The following SDK1 variants were observed in gnomAD, a reference collection of about 807,000 sequenced individuals.
The protein encoded by SDK1 is sidekick cell adhesion molecule 1.
A neutral mutation model predicts 245.5 loss-of-function variants in SDK1; 157 were observed. The ratio of observed to expected loss-of-function variants is 0.64; its 90% CI spans 0.56 to 0.73. The LOEUF (loss-of-function observed/expected upper bound fraction) is 0.73, where lower values mean the gene tolerates loss of function less well. SDK1 is among the 30% of genes least tolerant of loss of function. SDK1 has a pLI of 0.00. For synonymous variants in SDK1, 1,647 were observed against 1,278.5 expected (o/e 1.29, Z -6.15); for missense variants, 3,583 against 3,002.3 (o/e 1.19, Z -4.52).
At chr7:3,842,200 G>A (rs1780174527) in intron 5 of SDK1, among the ~76,000 whole-genome samples, 1 of 152,236 alleles carries the variant, frequency 6.6e-6, no homozygotes, top group Non-Finnish European at 1.5e-5. Flanking sequence ...GGGCAGAGAT[G>A]TGAGCAGTAC....
chr7:3,323,500 A>T (rs1012426178), intron 1 of SDK1, among the ~76,000 whole-genome samples: 1 of 152,138 alleles, frequency 6.6e-6, no homozygotes, highest in Non-Finnish European at 1.5e-5. Context: ...ATTGCTGGTC[A>T]TGTTCAGTTC....
chr7:3,316,411 G>A (rs941666826), intron 1 of SDK1, among the ~76,000 whole-genome samples: 3 of 152,176 alleles, frequency 2.0e-5, no homozygotes, highest in African/African-American at 4.8e-5. Flanking sequence ...TAACCTAGGT[G>A]TGTAGGAGGC....
At chr7:3,510,866 T>C (rs1347342377) in intron 1 of SDK1, among the ~76,000 whole-genome samples, 2 of 152,220 alleles carry the variant, frequency 1.3e-5, no homozygotes, top group Admixed American at 1.3e-4. Flanking sequence ...CAGAGGTGTT[T>C]CTGTCTGCTG....
chr7:4,233,840 C>T (rs1206241821), intron 41 of SDK1, among the ~76,000 whole-genome samples: 1 of 152,150 alleles, frequency 6.6e-6, no homozygotes, highest in Non-Finnish European at 1.5e-5. Context: ...CCCAGCACCA[C>T]CAGCAAGGCC....
intron 32 of SDK1, among the ~76,000 whole-genome samples, chr7:4,166,821 A>C (rs1781528499): frequency 6.6e-6 from 1 of 152,116 alleles, no homozygotes; most frequent in Admixed American, 6.5e-5. Context: ...GAACTAGGAG[A>C]GTTAGGCCCT....
Position 4,174,209 on chromosome 7 carries a change from G to C in SDK1, c.4801-13G>C. On this transcript the variant is annotated splice_polypyrimidine_tract_variant and intron_variant, in intron 32 of 44. Coordinates refer to ENST00000404826, the MANE Select transcript of SDK1 (RefSeq NM_152744.4). ...TCCCATGGTGTGGCTGAGTCGGTGT[G>C]ATGTCTTTGCAGCCTCCGAGGGACG... The C allele has an allele frequency of 6.2e-7, 1 of 1,613,902 alleles. No homozygotes were observed. The highest frequency in any genetic ancestry group is 8.5e-7 in the Non-Finnish European group (1 of 1,179,872).
intron 1 of SDK1, among the ~76,000 whole-genome samples, chr7:3,535,753 A>G (rs755643820): frequency 1.8e-4 from 28 of 152,248 alleles, no homozygotes; most frequent in Non-Finnish European, 3.2e-4. Flanking sequence ...ACATAAATAC[A>G]TGTAGTTAAA....
In SDK1 at chr7:3,670,064, G is replaced by A. The variant is rs542809666; in HGVS notation, c.713+27959G>A. Reference sequence around the variant, plus strand: ...CCCACAAATCTACTCACATCATTGTGTGTCCACCTCTGCCACCATTCCTGA... The same window carrying A: ...CCCACAAATCTACTCACATCATTGTATGTCCACCTCTGCCACCATTCCTGA... On this transcript the variant is annotated intron_variant, in intron 4 of 44. Transcript: ENST00000404826. Among the ~76,000 whole-genome samples the A allele has an allele frequency of 2.0e-5, 3 of 152,272 alleles. No individual in the cohort carries two copies. In the East Asian group the frequency reaches 5.8e-4, roughly 29 times the overall value.
At chr7:3,814,581 G>A (rs940242174) in intron 4 of SDK1, among the ~76,000 whole-genome samples, 1 of 151,908 alleles carries the variant, frequency 6.6e-6, no homozygotes, top group Admixed American at 6.6e-5. Flanking sequence ...GCTTAGGATT[G>A]ACTTGGTGAT....
intron 4 of SDK1, among the ~76,000 whole-genome samples, chr7:3,719,230 G>C (rs1785291337): frequency 7.2e-6 from 1 of 139,344 alleles, no homozygotes; most frequent in Non-Finnish European, 1.5e-5. Flanking sequence ...TTGGGGATCA[G>C]AAAACCCAGA....
intron 2 of SDK1, among the ~76,000 whole-genome samples, chr7:3,622,737 T>C (rs1448030119): frequency 1.3e-5 from 2 of 152,194 alleles, no homozygotes; most frequent in Non-Finnish European, 2.9e-5. Flanking sequence ...ATGTGGACTA[T>C]TAAAATAAGC....
chr7:3,649,691 C>T (rs537969496), intron 4 of SDK1, among the ~76,000 whole-genome samples: 1 of 152,238 alleles, frequency 6.6e-6, no homozygotes, highest in East Asian at 1.9e-4. Flanking sequence ...CTGTTATTAT[C>T]GTGGCTTTCC....
intron 1 of SDK1, among the ~76,000 whole-genome samples, chr7:3,454,604 G>A (rs6962796): frequency 0.58 from 88,568 of 152,002 alleles, 26,007 homozygotes; most frequent in African/African-American, 0.65. Context: ...AATACGGTAT[G>A]TAACCTTTTG....
intron 32 of SDK1, among the ~76,000 whole-genome samples, chr7:4,167,550 C>T (rs1781572508): frequency 6.6e-6 from 1 of 152,234 alleles, no homozygotes; most frequent in Non-Finnish European, 1.5e-5. Context: ...AGCTTCTCTC[C>T]ACACAGATGG....
At chr7:3,800,571 C>T (rs186962246) in intron 4 of SDK1, among the ~76,000 whole-genome samples, 3 of 152,044 alleles carry the variant, frequency 2.0e-5, no homozygotes, top group African/African-American at 7.2e-5. Context: ...TTACTAGAGA[C>T]GGGTTAACCA....
At chr7:3,985,859 A>G (rs1783789579) in intron 13 of SDK1, among the ~76,000 whole-genome samples, 1 of 152,170 alleles carries the variant, frequency 6.6e-6, no homozygotes, top group Non-Finnish European at 1.5e-5. Context: ...TCAAAATGTA[A>G]TGAGTACATT....
At chr7:3,327,812 C>T (rs141359805) in intron 1 of SDK1, among the ~76,000 whole-genome samples, 2 of 152,042 alleles carry the variant, frequency 1.3e-5, no homozygotes, top group East Asian at 1.9e-4. Flanking sequence ...TTTTCCATAC[C>T]CCAGGAATAT....
At chr7:4,017,420 C>T (rs1786501593) in intron 17 of SDK1, 68 bp downstream of exon 17, 27 of 1,410,132 alleles carry the variant, frequency 1.9e-5, no homozygotes, top group Non-Finnish European at 2.6e-5. Flanking sequence ...CAAGGTTTGA[C>T]TGGAGTACGT....
chr7:3,735,560 T>A (rs1779296611), intron 4 of SDK1, among the ~76,000 whole-genome samples: 1 of 152,254 alleles, frequency 6.6e-6, no homozygotes, highest in African/African-American at 2.4e-5. Context: ...TTTACCTGTT[T>A]ATCCCTCCAC....
Sources: allele counts gnomAD v4.1 joint callset (sites outside exome capture counted in the v4.1 genomes callset), GRCh38; gene constraint gnomAD v4.1.1; transcripts MANE v1.5; gene names NCBI Gene and HGNC (gene_info 2026-07-23, HGNC 2026-07-21).